Variants in ANO10 observed in about 807,000 individuals in gnomAD.
ANO10 encodes the protein anoctamin-10.
In ANO10, 77 loss-of-function variants were observed where a neutral mutation model predicts 74.7. The ratio of observed to expected loss-of-function variants is 1.03; its 90% CI spans 0.86 to 1.25. ANO10 has a LOEUF of 1.25. Among genes scored for constraint, ANO10 ranks in the 50% most tolerant of loss-of-function variants. The pLI, the probability that ANO10 is intolerant of heterozygous loss-of-function variation, is 0.00. For synonymous variants in ANO10, 279 were observed against 284.9 expected, an observed-to-expected ratio of 0.98 and a Z score of 0.21; for missense variants, 721 against 778.1, an observed-to-expected ratio of 0.93 and a Z score of 0.87.
intron 2 of ANO10, among the ~76,000 whole-genome samples, chr3:43,603,393 C>T (rs1575527818): frequency 1.3e-5 from 2 of 151,998 alleles, no homozygotes; most frequent in East Asian, 1.9e-4. Flanking sequence ...CAATTCTTTA[C>T]CTTTTTGCTC....
chr3:43,403,984 A>G (rs1001010630), intron 12 of ANO10, among the ~76,000 whole-genome samples: 6 of 152,146 alleles, frequency 3.9e-5, no homozygotes, highest in Non-Finnish European at 7.4e-5. Flanking sequence ...CTTCTCATCA[A>G]CAGCATGTAG....
At chr3:43,486,839 T>A (rs1405766637) in intron 11 of ANO10, among the ~76,000 whole-genome samples, 1 of 149,954 alleles carries the variant, frequency 6.7e-6, no homozygotes, top group African/African-American at 2.5e-5. Context: ...TCCAACACTA[T>A]GTTGAATAGG....
chr3:43,618,801 C>A (rs948062551), intron 1 of ANO10, among the ~76,000 whole-genome samples: 38 of 151,952 alleles, frequency 2.5e-4, no homozygotes, highest in African/African-American at 8.9e-4. Context: ...ATTAGTTATA[C>A]GTCTTTTTTT....
At chr3:43,463,297 G>C (rs1158624073) in intron 11 of ANO10, among the ~76,000 whole-genome samples, 1 of 152,228 alleles carries the variant, frequency 6.6e-6, no homozygotes, top group Non-Finnish European at 1.5e-5. Context: ...GAGCAGAGCT[G>C]CTCTTGCATC....
At chr3:43,472,861 G>A (rs919328912) in intron 11 of ANO10, among the ~76,000 whole-genome samples, 5 of 152,114 alleles carry the variant, frequency 3.3e-5, no homozygotes, top group Non-Finnish European at 7.4e-5. Flanking sequence ...AAATTGCCTT[G>A]ATGTCTGCAC....
At chr3:43,518,185 T>C (rs1402870349) in intron 11 of ANO10, among the ~76,000 whole-genome samples, 1 of 152,140 alleles carries the variant, frequency 6.6e-6, no homozygotes. Context: ...AGAACATAAA[T>C]TGTGAAGATT....
At chr3:43,494,569 A>G (rs918410612) in intron 11 of ANO10, among the ~76,000 whole-genome samples, 5 of 152,310 alleles carry the variant, frequency 3.3e-5, no homozygotes, top group Admixed American at 2.0e-4. Context: ...CTAACAACCA[A>G]TTATAACTAA....
chr3:43,528,112 A>C (rs2078288965), intron 11 of ANO10, among the ~76,000 whole-genome samples: 3 of 152,174 alleles, frequency 2.0e-5, no homozygotes, highest in African/African-American at 7.2e-5. Flanking sequence ...AGTGCTCTCA[A>C]ACTAAAAAAA....
chr3:43,389,908 GAACAAAACAA>G (rs745544630), intron 12 of ANO10, among the ~76,000 whole-genome samples: 10 of 152,072 alleles, frequency 6.6e-5, no homozygotes, highest in East Asian at 1.9e-4. Flanking sequence ...GACGGAAATG[GAACAAAACAA>G]AACAAAACAA....
intron 12 of ANO10, among the ~76,000 whole-genome samples, chr3:43,416,741 C>T (rs1470005595): frequency 6.6e-6 from 1 of 152,206 alleles, no homozygotes; most frequent in East Asian, 1.9e-4. Flanking sequence ...AATCTGATTT[C>T]ATGGTTACCC....
chr3:43,675,685 C>T (rs936130570), intron 1 of ANO10, among the ~76,000 whole-genome samples: 6 of 151,940 alleles, frequency 3.9e-5, no homozygotes. Flanking sequence ...TGACTTTAAT[C>T]ACTACACACC....
At chr3:43,389,197 G>T (rs892759175) in intron 12 of ANO10, among the ~76,000 whole-genome samples, 8 of 152,180 alleles carry the variant, frequency 5.3e-5, no homozygotes, top group Non-Finnish European at 2.9e-5. Flanking sequence ...CCACCCAACA[G>T]GTGTTGAAGT....
intron 12 of ANO10, among the ~76,000 whole-genome samples, chr3:43,428,795 G>GAAAAAAAA (rs1245373022): frequency 1.2e-3 from 4 of 3,416 alleles, no homozygotes; most frequent in Admixed American, 4.8e-3. Flanking sequence ...CTTTGTGAAT[G>GAAAAAAAA]CAAAAAAAAA....
intron 12 of ANO10, among the ~76,000 whole-genome samples, chr3:43,410,951 G>A (rs2092655001): frequency 6.6e-6 from 1 of 151,780 alleles, no homozygotes; most frequent in African/African-American, 2.4e-5. Flanking sequence ...CTGCAGTTCT[G>A]GTAACATGGC....
At chr3:43,621,363 T>A (rs1313305293) in intron 1 of ANO10, among the ~76,000 whole-genome samples, 1 of 152,076 alleles carries the variant, frequency 6.6e-6, no homozygotes, top group Non-Finnish European at 1.5e-5. Context: ...GGAAACTCAG[T>A]CACCTCGATG....
At chr3:43,615,494 T>A (rs533199727) in intron 1 of ANO10, among the ~76,000 whole-genome samples, 30 of 152,300 alleles carry the variant, frequency 2.0e-4, no homozygotes, top group Admixed American at 3.9e-4. Flanking sequence ...TTACTTTTTT[T>A]AATTTGATTT....
chr3:43,611,206 C>A (rs530949444), intron 1 of ANO10, among the ~76,000 whole-genome samples: 12 of 152,266 alleles, frequency 7.9e-5, no homozygotes, highest in African/African-American at 2.9e-4. Flanking sequence ...TTCTATCTCT[C>A]CTCAATGTTT....
At chr3:43,593,587 C>A (rs1390957639) in intron 4 of ANO10, among the ~76,000 whole-genome samples, 1 of 152,122 alleles carries the variant, frequency 6.6e-6, no homozygotes, top group Non-Finnish European at 1.5e-5. Context: ...CCAGGCCTGC[C>A]CTAAAAGGGC....
At chr3:43,477,745 G>A (rs941740113) in intron 11 of ANO10, among the ~76,000 whole-genome samples, 1 of 152,162 alleles carries the variant, frequency 6.6e-6, no homozygotes, top group Non-Finnish European at 1.5e-5. Context: ...TAGCACACAG[G>A]AAGACGCGAA....
Sources: allele counts gnomAD v4.1 joint callset (sites outside exome capture counted in the v4.1 genomes callset), GRCh38; gene constraint gnomAD v4.1.1; transcripts MANE v1.5; gene names NCBI Gene and HGNC (gene_info 2026-07-23, HGNC 2026-07-21).